The following TIMM44 variants were observed in gnomAD, a reference collection of about 807,000 sequenced individuals.
TIMM44 encodes the protein translocase of inner mitochondrial membrane 44.
TIMM44 carries 37 observed loss-of-function variants against 63.8 expected under a neutral mutation model. The observed-to-expected ratio is 0.58, with a 90% CI of 0.45 to 0.76. The LOEUF is 0.76. Among genes scored for constraint, TIMM44 ranks in the 30% least tolerant of loss-of-function variants. The pLI is 0.00. For synonymous variants in TIMM44, 239 were observed against 245.1 expected, an observed-to-expected ratio of 0.98 and a Z score of 0.23; for missense variants, 573 against 603.8, an observed-to-expected ratio of 0.95 and a Z score of 0.54.
chr19:7,932,124 G>A (rs555933637), intron 9 of TIMM44, among the ~76,000 whole-genome samples: 29 of 152,344 alleles, frequency 1.9e-4, no homozygotes, highest in African/African-American at 7.0e-4. Flanking sequence ...ACCTCAGGGA[G>A]AGGCTTATAG....
chr19:7,934,937 G>T lies in TIMM44; in HGVS notation c.393+128C>A. On this transcript the variant is annotated intron_variant, in intron 4 of 12. Coordinates refer to ENST00000270538, the MANE Select transcript of TIMM44 (RefSeq NM_006351.4). The surrounding 1 kb of genome is among the most constrained non-coding windows in gnomAD (Gnocchi z 5.3). ...GAACTCCTGAAACCTTCCCGAGGGTGGCAGCACGCCCCATGCCACCCACTG... is the reference window on the plus strand; with the variant it reads ...GAACTCCTGAAACCTTCCCGAGGGTTGCAGCACGCCCCATGCCACCCACTG... The T allele has an allele frequency of 1.2e-6, 1 of 810,408 alleles. No homozygotes were observed. The highest frequency in any genetic ancestry group is 2.1e-6 in the Non-Finnish European group (1 of 480,834). 50.2% of individuals were successfully genotyped at this position (810,408 alleles called of 1,614,324 possible). A position where few individuals can be genotyped will look rare whatever the true frequency, so the allele number is the denominator to read the frequency against.
intron 12 of TIMM44, 32 bp from the exon 13 acceptor site, chr19:7,927,338 G>T: frequency 6.2e-7 from 1 of 1,605,434 alleles, no homozygotes. Flanking sequence ...GCACTGTTGA[G>T]AGGGTTGAGG....
intron 2 of TIMM44, among the ~76,000 whole-genome samples, chr19:7,939,895 G>C (rs1984258401): frequency 1.3e-5 from 2 of 151,806 alleles, no homozygotes. Flanking sequence ...CTGGGCGACA[G>C]AGTGAGACTC....
chr19:7,938,113 C>A lies in TIMM44; in HGVS notation c.226G>T (p.Glu76Ter). The change falls in exon 3 of 13, where the codon GAA becomes TAA. Residue 76 changes from glutamate to a stop codon, truncating the protein, a stop_gained. Transcript: ENST00000270538. LOFTEE classifies it high-confidence loss of function. Reference sequence around the variant, plus strand: ...AATTTTTTTATACTTTCTTTCATTTCTTTGTTTTTGGCTAATTCTTGTTTG... The same window carrying A: ...AATTTTTTTATACTTTCTTTCATTTATTTGTTTTTGGCTAATTCTTGTTTG... ...NVKQELAKNKEMKESIKKFRD... is the reference protein window; with the variant it reads ...NVKQELAKNK 6.2e-7 allele frequency: 1 copy of A among 1,613,994 alleles called. No individual in the cohort carries two copies. The highest frequency in any genetic ancestry group is 1.1e-5 in the South Asian group (1 of 91,086).
intron 3 of TIMM44, 141 bp downstream of exon 3, chr19:7,937,886 T>C (rs3745389): frequency 0.075 from 73,612 of 975,760 alleles, 3,200 homozygotes; most frequent in African/African-American, 0.16. Context: ...GGCGTGGTGG[T>C]GCGCGCCTGT....
intron 9 of TIMM44, 124 bp from the exon 10 acceptor site, chr19:7,931,312 C>T (rs1983976163): frequency 4.6e-6 from 4 of 874,944 alleles, no homozygotes; most frequent in Non-Finnish European, 7.8e-6. Flanking sequence ...CGGCTGCCAC[C>T]TGTGGGGCGC....
rs772345033 is a variant in TIMM44 at position 7,938,143 on chromosome 19, T to C, written c.196A>G (p.Asn66Asp). 3.1e-6 allele frequency: 5 copies of C among 1,613,996 alleles called. No homozygotes were observed. The highest frequency in any genetic ancestry group is 2.2e-5 in the East Asian group (1 of 44,890). Reference sequence around the variant, plus strand: ...TTTTTGGCTAATTCTTGTTTGACATTATCTAGCAAGCCGGACAGAAAGCCT... The same window carrying C: ...TTTTTGGCTAATTCTTGTTTGACATCATCTAGCAAGCCGGACAGAAAGCCT... ...RKGFLSGLLDNVKQELAKNKE... is the reference protein window; with the variant it reads ...RKGFLSGLLDDVKQELAKNKE... The change falls in exon 3 of 13, where the codon AAT (asparagine) becomes GAT (aspartate). Residue 66 changes from asparagine to aspartate, a missense_variant. Asn to Asp is a conservative substitution (Grantham distance 23, BLOSUM62 1). Coordinates refer to ENST00000270538, the MANE Select transcript of TIMM44 (RefSeq NM_006351.4).
At position 7,933,641 on chromosome 19, in the gene TIMM44, G is replaced by A; in HGVS notation, c.684-71C>T. The A allele has an allele frequency of 1.4e-6, 2 of 1,425,848 alleles. No homozygotes were observed. Among genetic ancestry groups the A allele is most frequent in the East Asian group, 2.3e-5 (1 of 43,986 alleles). The allele number at this position is 1,425,848 out of a possible 1,614,324, so 88.3% of individuals were successfully genotyped here. ...ACCCTGTGCCCTCCTGCGGCTGCAG[G>A]CAGGGGGCAGTACAGGACAGCAGGC... On this transcript the variant is annotated intron_variant, in intron 6 of 12. Coordinates refer to ENST00000270538, the MANE Select transcript of TIMM44 (RefSeq NM_006351.4). This position sits in a 1 kb window ranked among gnomAD's most constrained non-coding sequence, Gnocchi z 4.3.
intron 9 of TIMM44, chr19:7,932,187 C>T: frequency 4.7e-6 from 1 of 214,716 alleles, no homozygotes; most frequent in Non-Finnish European, 9.5e-6. Flanking sequence ...ATAAGCCCAA[C>T]AAGGGTCTGG....
At position 7,930,989 on chromosome 19, in the gene TIMM44, C is replaced by G. The variant is rs970774418; in HGVS notation, c.1038+149G>C. Reference sequence around the variant, plus strand: ...AAGGGGCAGGGGGGGATGTCAGGCTCTCGGAGGGTGAGACGTGAGGATTCC... The same window carrying G: ...AAGGGGCAGGGGGGGATGTCAGGCTGTCGGAGGGTGAGACGTGAGGATTCC... On this transcript the variant is annotated intron_variant, in intron 10 of 12. Coordinates refer to ENST00000270538, the MANE Select transcript of TIMM44 (RefSeq NM_006351.4). The G allele has an allele frequency of 4.3e-6, 3 of 689,742 alleles. No homozygotes were observed. In the East Asian group the frequency reaches 8.2e-5, roughly 19 times the overall value. The allele number at this position is 689,742 out of a possible 1,614,324, so 42.7% of individuals were successfully genotyped here.
Position 7,933,875 on chromosome 19 carries a change from A to T in TIMM44, c.672T>A (p.Phe224Leu). The change falls in exon 6 of 13, where the codon TTT becomes TTA. Residue 224 changes from phenylalanine to leucine, a missense_variant. Transcript: ENST00000270538. This position sits in a 1 kb window ranked among gnomAD's most constrained non-coding sequence, Gnocchi z 4.3. Reference protein sequence around the residue: ...AGDKFKEEKVFEPNEEALGVV... With the variant: ...AGDKFKEEKVLEPNEEALGVV... The stretch of plus-strand genomic sequence containing the variant: ...GGGCTGGTACCTACTCGTTTGGCTC[A>T]AACACTTTCTCCTCCTTGAACTTAT... 1 of 1,614,148 alleles carries T rather than the reference A, an allele frequency of 6.2e-7. No homozygotes were observed. Among genetic ancestry groups the T allele is most frequent in the Admixed American group, 1.7e-5 (1 of 60,026 alleles).
intron 1 of TIMM44, among the ~76,000 whole-genome samples, chr19:7,942,077 G>A (rs1374377017): frequency 2.0e-5 from 3 of 152,330 alleles, no homozygotes; most frequent in East Asian, 1.9e-4. Context: ...GGCTGGGCGC[G>A]GTGGCTCACG....
At chr19:7,930,548 C>T (rs1226163020) in intron 10 of TIMM44, among the ~76,000 whole-genome samples, 1 of 152,078 alleles carries the variant, frequency 6.6e-6, no homozygotes, top group Non-Finnish European at 1.5e-5. Context: ...CTCAGGCAAT[C>T]GCCTGCCTTG....
Position 7,931,171 on chromosome 19 carries a change from C to T in TIMM44, c.1005G>A (p.Glu335=). 1 of 1,613,920 alleles carries T rather than the reference C, an allele frequency of 6.2e-7. No individual in the cohort carries two copies. The highest frequency in any genetic ancestry group is 1.1e-5 in the South Asian group (1 of 91,066). ...AGCACCAGTCTTTGAGAATGTCAAG[C>T]TCTCCAGAAATCATGGCCTAAAAAG... ...PNVLEAMISG[E]LDILKDWCYE... The change falls in exon 10 of 13, where the codon GAG becomes GAA. Residue 335 remains glutamate, a synonymous_variant. Transcript: ENST00000270538.
chr19:7,927,800 A>G, intron 11 of TIMM44, 33 bp from the exon 12 acceptor site: 1 of 1,594,156 alleles, frequency 6.3e-7, no homozygotes, highest in Non-Finnish European at 8.6e-7. Flanking sequence ...GATGTGCCTC[A>G]GAGGACAGCC....
chr19:7,935,184 T>C (rs1000107836), intron 3 of TIMM44, 39 bp from the exon 4 acceptor site: 8 of 1,524,214 alleles, frequency 5.2e-6, no homozygotes, highest in Non-Finnish European at 6.3e-6. Context: ...TTTTTTTTTT[T>C]TTTGAGACAA....
At chr19:7,929,389 G>A (rs1983914952) in intron 10 of TIMM44, among the ~76,000 whole-genome samples, 2 of 152,332 alleles carry the variant, frequency 1.3e-5, no homozygotes, top group South Asian at 4.1e-4. Context: ...TATGTTTCAG[G>A]ATCATGTCGT....
intron 1 of TIMM44, 21 bp from the exon 2 acceptor site, chr19:7,941,218 G>T: frequency 6.3e-7 from 1 of 1,578,296 alleles, no homozygotes; most frequent in Non-Finnish European, 8.7e-7. Context: ...GGAGAGAAGA[G>T]AAAGATCCAT....
At chr19:7,940,662 A>G (rs1984284869) in intron 2 of TIMM44, among the ~76,000 whole-genome samples, 1 of 152,058 alleles carries the variant, frequency 6.6e-6, no homozygotes, top group Non-Finnish European at 1.5e-5. Context: ...TGAGACACCA[A>G]CAGAAGCACA....
Sources: allele counts gnomAD v4.1 joint callset (sites outside exome capture counted in the v4.1 genomes callset), GRCh38; gene constraint gnomAD v4.1.1; non-coding constraint Gnocchi (gnomAD v3.1); transcripts MANE v1.5; gene names NCBI Gene and HGNC (gene_info 2026-07-23, HGNC 2026-07-21).